Variants in PTPRD observed in about 807,000 individuals in gnomAD.
PTPRD encodes the protein protein tyrosine phosphatase receptor type D, also known as receptor-type tyrosine-protein phosphatase delta.
In PTPRD, 34 loss-of-function variants were observed where a neutral mutation model predicts 214.5. That is an observed-to-expected ratio of 0.16 (90% confidence interval 0.12 to 0.21). The LOEUF (loss-of-function observed/expected upper bound fraction) is 0.21. PTPRD is among the 10% of genes least tolerant of loss of function. PTPRD has a pLI of 1.00. For missense variants in PTPRD, 2,545 were observed against 2,398.7 expected, an observed-to-expected ratio of 1.06 and a Z score of -1.27; for synonymous variants, 1,128 against 845.7, an observed-to-expected ratio of 1.33 and a Z score of -5.79.
chr9:8,436,793 T>C (rs2095367880), intron 34 of PTPRD, 104 bp from the exon 35 acceptor site: 1 of 878,494 alleles, frequency 1.1e-6, no homozygotes. Context: ...CCTGAAAATA[T>C]GTGAGTAGTA....
At chr9:8,897,171 G>C (rs1207247402) in intron 11 of PTPRD, among the ~76,000 whole-genome samples, 1 of 152,082 alleles carries the variant, frequency 6.6e-6, no homozygotes, top group Admixed American at 6.6e-5. Context: ...ATCAATCAAG[G>C]AATATTTATT....
At chr9:8,692,233 A>G (rs2097822596) in intron 12 of PTPRD, among the ~76,000 whole-genome samples, 1 of 152,246 alleles carries the variant, frequency 6.6e-6, no homozygotes, top group African/African-American at 2.4e-5. Flanking sequence ...TAAACAGTCT[A>G]CCATCTCAGT....
chr9:10,286,058 T>C (rs181005143), intron 3 of PTPRD, among the ~76,000 whole-genome samples: 3 of 152,310 alleles, frequency 2.0e-5, no homozygotes, highest in Admixed American at 2.0e-4. Flanking sequence ...TATGTGTATG[T>C]ATATGCATGT....
chr9:9,986,346 T>C (rs887593059), intron 4 of PTPRD, among the ~76,000 whole-genome samples: 4 of 152,186 alleles, frequency 2.6e-5, no homozygotes, highest in African/African-American at 7.2e-5. Context: ...ACTAAGTGTC[T>C]ATCAACAGGA....
chr9:8,923,176 G>A (rs1431074338), intron 11 of PTPRD, among the ~76,000 whole-genome samples: 2 of 151,312 alleles, frequency 1.3e-5, no homozygotes, highest in Non-Finnish European at 2.9e-5. Context: ...TAAGTAGCTG[G>A]GATTACAGGC....
At chr9:9,787,724 A>T (rs764369405) in intron 5 of PTPRD, among the ~76,000 whole-genome samples, 5 of 151,840 alleles carry the variant, frequency 3.3e-5, no homozygotes, top group African/African-American at 1.2e-4. Flanking sequence ...AAAAGAAATG[A>T]CAAACAGTAG....
intron 35 of PTPRD, among the ~76,000 whole-genome samples, chr9:8,433,602 T>C (rs577970222): frequency 7.2e-5 from 11 of 152,284 alleles, no homozygotes; most frequent in Admixed American, 5.9e-4. Context: ...CTTTGCAACT[T>C]AGTTTTTAAT....
chr9:9,139,107 G>A (rs1173466041), intron 10 of PTPRD, among the ~76,000 whole-genome samples: 28 of 91,054 alleles, frequency 3.1e-4, no homozygotes, highest in East Asian at 9.6e-4. Context: ...CCTCCCCCCC[G>A]CCCCCACCTT....
At chr9:10,408,908 C>A (rs993808974) in intron 2 of PTPRD, among the ~76,000 whole-genome samples, 8 of 151,688 alleles carry the variant, frequency 5.3e-5, no homozygotes, top group Non-Finnish European at 8.8e-5. Context: ...TCCTTTTGCT[C>A]ATTAGCATTT....
At chr9:8,944,182 A>C (rs553953464) in intron 11 of PTPRD, among the ~76,000 whole-genome samples, 1 of 152,286 alleles carries the variant, frequency 6.6e-6, no homozygotes, top group South Asian at 2.1e-4. Context: ...AGAGAAATGT[A>C]AATCAACACT....
intron 8 of PTPRD, among the ~76,000 whole-genome samples, chr9:9,512,332 G>A (rs1054796962): frequency 2.0e-5 from 3 of 151,730 alleles, no homozygotes; most frequent in Non-Finnish European, 4.4e-5. Context: ...TATGAGTAAG[G>A]GGGTAAAAGG....
chr9:10,076,287 T>C (rs1306811535), intron 3 of PTPRD, among the ~76,000 whole-genome samples: 1 of 152,072 alleles, frequency 6.6e-6, no homozygotes, highest in East Asian at 1.9e-4. Flanking sequence ...GTACTCATCA[T>C]CCTATACTGC....
At chr9:9,726,220 C>CA (rs1030773970) in intron 7 of PTPRD, among the ~76,000 whole-genome samples, 9 of 152,130 alleles carry the variant, frequency 5.9e-5, no homozygotes, top group African/African-American at 1.9e-4. Flanking sequence ...CATCCTACAC[C>CA]AAAAAAACTT....
intron 35 of PTPRD, among the ~76,000 whole-genome samples, chr9:8,421,551 T>G (rs2094366250): frequency 6.6e-6 from 1 of 152,068 alleles, no homozygotes; most frequent in South Asian, 2.1e-4. Context: ...TGCCATGGAT[T>G]CAACACAGCA....
intron 3 of PTPRD, among the ~76,000 whole-genome samples, chr9:10,037,578 T>TG (rs141605666): frequency 5.8e-5 from 7 of 120,852 alleles, no homozygotes; most frequent in African/African-American, 1.5e-4. Flanking sequence ...TTTATAGCAG[T>TG]GGAAAAAAAA....
At chr9:8,947,528 T>C (rs556433031) in intron 11 of PTPRD, among the ~76,000 whole-genome samples, 13 of 151,968 alleles carry the variant, frequency 8.6e-5, no homozygotes, top group African/African-American at 2.7e-4. Flanking sequence ...GTGTTAGGTT[T>C]AGCCTTAGAA....
chr9:8,413,237 T>C (rs917542632), intron 35 of PTPRD, among the ~76,000 whole-genome samples: 4 of 152,212 alleles, frequency 2.6e-5, no homozygotes, highest in Non-Finnish European at 5.9e-5. Context: ...ACAGAAAGTT[T>C]CTTTATTAAG....
At chr9:10,010,016 C>G (rs972530439) in intron 4 of PTPRD, among the ~76,000 whole-genome samples, 1 of 151,804 alleles carries the variant, frequency 6.6e-6, no homozygotes, top group Non-Finnish European at 1.5e-5. Flanking sequence ...CTTTGAAATC[C>G]CCTTGGCCGA....
Position 9,363,140 on chromosome 9 carries a change from TGTG to T in PTPRD, c.-203+34306_-203+34308del, listed in dbSNP as rs2056788791. On this transcript the variant is annotated intron_variant, in intron 9 of 45. Transcript: ENST00000381196. ...TTTTTTTTTTTTTTTTAACTGTACT[TGTG>T]GTCACATTAGAACTGGATATGACAT... 6.7e-5 allele frequency among the ~76,000 whole-genome samples: 10 copies of T among 149,654 alleles called. 1 individual carries two copies. In the Middle Eastern group the frequency reaches 0.014, roughly 208 times the overall value.
Sources: allele counts gnomAD v4.1 joint callset (sites outside exome capture counted in the v4.1 genomes callset), GRCh38; gene constraint gnomAD v4.1.1; transcripts MANE v1.5; gene names NCBI Gene and HGNC (gene_info 2026-07-23, HGNC 2026-07-21).